POU2AF2: variants seen among roughly 807,000 people sequenced by gnomAD.
The protein encoded by POU2AF2 is POU domain class 2-associating factor 2.
the POU2AF2 span, among the ~76,000 whole-genome samples, chr11:111,278,945 T>C: frequency 6.6e-6 from 1 of 152,204 alleles, no homozygotes; most frequent in Admixed American, 6.5e-5. Context: ...GTTAGTAATA[T>C]GGAGAGAATG....
the POU2AF2 span, among the ~76,000 whole-genome samples, chr11:111,271,904 C>T: frequency 6.6e-6 from 1 of 152,086 alleles, no homozygotes; most frequent in Admixed American, 6.5e-5. Context: ...GTAATCCCAG[C>T]TACTTGGGAG....
At chr11:111,250,410 T>C in the POU2AF2 span, among the ~76,000 whole-genome samples, 1 of 152,228 alleles carries the variant, frequency 6.6e-6, no homozygotes, top group Non-Finnish European at 1.5e-5. Context: ...CAACATAAAC[T>C]GTAAATTTTT....
chr11:111,261,903 T>A, the POU2AF2 span, among the ~76,000 whole-genome samples: 1 of 152,148 alleles, frequency 6.6e-6, no homozygotes. Context: ...AAGAGAAATA[T>A]CCCAAGTGAG....
At chr11:111,271,010 T>A in the POU2AF2 span, among the ~76,000 whole-genome samples, 430 of 152,250 alleles carry the variant, frequency 2.8e-3, 2 homozygotes, top group African/African-American at 9.8e-3. Context: ...AGCAATATTT[T>A]CACCATGTCT....
chr11:111,280,771 C>T, the POU2AF2 span, among the ~76,000 whole-genome samples: 10 of 152,162 alleles, frequency 6.6e-5, no homozygotes, highest in Admixed American at 4.6e-4. Flanking sequence ...TAAACGTTCT[C>T]AACTTAATAA....
At chr11:111,254,631 A>G in the POU2AF2 span, among the ~76,000 whole-genome samples, 2 of 152,118 alleles carry the variant, frequency 1.3e-5, no homozygotes, top group Admixed American at 6.6e-5. Flanking sequence ...CTTTTCTCCA[A>G]TGCACCATAC....
At chr11:111,268,537 ATT>A in the POU2AF2 span, among the ~76,000 whole-genome samples, 498 of 65,760 alleles carry the variant, frequency 7.6e-3, 17 homozygotes, top group African/African-American at 0.03. Context: ...ATTTTATTTT[ATT>A]TTATTTTATT....
At chr11:111,250,635 G>T in the POU2AF2 span, among the ~76,000 whole-genome samples, 2 of 152,206 alleles carry the variant, frequency 1.3e-5, no homozygotes, top group Non-Finnish European at 2.9e-5. Context: ...ATAAGGAAAT[G>T]ATATAGGACA....
At chr11:111,246,648 T>C in the POU2AF2 span, among the ~76,000 whole-genome samples, 1 of 152,210 alleles carries the variant, frequency 6.6e-6, no homozygotes, top group African/African-American at 2.4e-5. Flanking sequence ...GCATCTATCT[T>C]CTGCAGCATA....
chr11:111,245,762 T>C, the POU2AF2 span: 2 of 398,610 alleles, frequency 5.0e-6, no homozygotes, highest in African/African-American at 2.1e-5. Flanking sequence ...CTGAGCTTTC[T>C]AGCAGACCAG....
At chr11:111,264,491 CGAAAGAAAGAAA>C in the POU2AF2 span, among the ~76,000 whole-genome samples, 2,025 of 85,982 alleles carry the variant, frequency 0.024, 46 homozygotes, top group East Asian at 0.042. Context: ...GCAAGACTCA[CGAAAGAAAGAAA>C]GAAAGAAAGA....
the POU2AF2 span, among the ~76,000 whole-genome samples, chr11:111,280,853 TGAA>T: frequency 6.6e-6 from 1 of 152,328 alleles, no homozygotes; most frequent in South Asian, 2.1e-4. Context: ...TGTGAAATTG[TGAA>T]GAAGGCGAAA....
chr11:111,261,492 GT>G, the POU2AF2 span, among the ~76,000 whole-genome samples: 3 of 152,012 alleles, frequency 2.0e-5, no homozygotes, highest in East Asian at 5.8e-4. Flanking sequence ...TCAGACCATT[GT>G]TCCTTTTAAT....
At chr11:111,281,494 T>A in the POU2AF2 span, 1 of 1,582,726 alleles carries the variant, frequency 6.3e-7, no homozygotes, top group Non-Finnish European at 8.7e-7. Context: ...AAATCAAGCA[T>A]CTGGGCTTCC....
At chr11:111,277,793 C>T in the POU2AF2 span, among the ~76,000 whole-genome samples, 2 of 152,302 alleles carry the variant, frequency 1.3e-5, no homozygotes, top group Middle Eastern at 3.4e-3. Context: ...CTGGCACATC[C>T]TACTTAACCT....
the POU2AF2 span, chr11:111,285,976 C>T: frequency 6.2e-7 from 1 of 1,614,044 alleles, no homozygotes. Flanking sequence ...ACACCGGTTC[C>T]CTCCATGACC....
At chr11:111,276,736 C>G in the POU2AF2 span, among the ~76,000 whole-genome samples, 1 of 142,122 alleles carries the variant, frequency 7.0e-6, no homozygotes, top group African/African-American at 2.5e-5. Flanking sequence ...GGAATGACAT[C>G]TTCAAAGTGC....
the POU2AF2 span, among the ~76,000 whole-genome samples, chr11:111,263,295 C>T: frequency 6.6e-6 from 1 of 151,934 alleles, no homozygotes; most frequent in African/African-American, 2.4e-5. Flanking sequence ...AAATCCTAAT[C>T]TCATTGTTTA....
the POU2AF2 span, among the ~76,000 whole-genome samples, chr11:111,277,350 G>T: frequency 6.6e-6 from 1 of 152,196 alleles, no homozygotes; most frequent in African/African-American, 2.4e-5. Flanking sequence ...TAAAAATTGG[G>T]CTGGGGAGGA....
Sources: allele counts gnomAD v4.1 joint callset (sites outside exome capture counted in the v4.1 genomes callset), GRCh38; gene constraint gnomAD v4.1.1; transcripts MANE v1.5; gene names NCBI Gene and HGNC (gene_info 2026-07-23, HGNC 2026-07-21).